The following ACACA variants were observed in gnomAD, a reference collection of about 807,000 sequenced individuals.
The protein encoded by ACACA is acetyl-CoA carboxylase alpha, also known as acetyl-CoA carboxylase 1.
In ACACA, 103 loss-of-function variants were observed where a neutral mutation model predicts 296.1. The observed-to-expected ratio is 0.35, with a 90% CI of 0.30 to 0.41. ACACA has a LOEUF of 0.41. ACACA is among the 10% of genes least tolerant of loss of function. The probability of loss-of-function intolerance (pLI) is 1.00; values close to 1 mark genes in which losing one functional copy is unlikely to be tolerated. For missense variants in ACACA, 1,554 were observed against 2,989.7 expected, an observed-to-expected ratio of 0.52 and a Z score of 11.20; for synonymous variants, 953 against 1,038.6, an observed-to-expected ratio of 0.92 and a Z score of 1.58.
chr17:37,118,875 A>T (rs943219085), intron 50 of ACACA, among the ~76,000 whole-genome samples: 1 of 152,200 alleles, frequency 6.6e-6, no homozygotes. Context: ...TGTTGTTCTT[A>T]CTGTTACAGC....
chr17:37,296,448 G>A (rs567623335), intron 3 of ACACA, among the ~76,000 whole-genome samples: 2 of 152,030 alleles, frequency 1.3e-5, no homozygotes, highest in African/African-American at 4.8e-5. Flanking sequence ...TGGGACTAGA[G>A]GCGCCCGCCA....
intron 1 of ACACA, chr17:37,391,602 C>T (rs780593895): frequency 1.3e-5 from 20 of 1,555,194 alleles, no homozygotes; most frequent in Non-Finnish European, 1.7e-5. Flanking sequence ...AAGAACTATA[C>T]ACTTGCATCC....
intron 1 of ACACA, among the ~76,000 whole-genome samples, chr17:37,356,072 G>A (rs2049127533): frequency 6.6e-6 from 1 of 151,894 alleles, no homozygotes; most frequent in South Asian, 2.1e-4. Flanking sequence ...TCAGGGGGGT[G>A]AGGCAGGATT....
At chr17:37,396,754 T>C (rs935630367) in intron 1 of ACACA, among the ~76,000 whole-genome samples, 57 of 152,260 alleles carry the variant, frequency 3.7e-4, no homozygotes, top group African/African-American at 1.3e-3. Flanking sequence ...CCTGGACAGG[T>C]TGAGAGTCCT....
intron 41 of ACACA, among the ~76,000 whole-genome samples, chr17:37,175,516 TG>T (rs1190306328): frequency 6.6e-6 from 1 of 152,264 alleles, no homozygotes; most frequent in Non-Finnish European, 1.5e-5. Flanking sequence ...GCATTTCTTC[TG>T]TATCCAGGCT....
intron 19 of ACACA, among the ~76,000 whole-genome samples, chr17:37,246,056 C>T (rs80315639): frequency 0.032 from 4,860 of 151,854 alleles, 263 homozygotes; most frequent in African/African-American, 0.11. Context: ...TCTTCCCTGC[C>T]CTTCTTCACC....
intron 29 of ACACA, among the ~76,000 whole-genome samples, chr17:37,218,876 G>C (rs1372803642): frequency 6.6e-6 from 1 of 152,222 alleles, no homozygotes; most frequent in African/African-American, 2.4e-5. Flanking sequence ...AAAGAGCTTA[G>C]ATTTCTGTTT....
intron 41 of ACACA, among the ~76,000 whole-genome samples, chr17:37,174,013 TATATA>T (rs1456474661): frequency 6.3e-4 from 12 of 19,190 alleles, no homozygotes; most frequent in East Asian, 2.9e-3. Flanking sequence ...TATATATATA[TATATA>T]TATTTTTTTT....
intron 1 of ACACA, among the ~76,000 whole-genome samples, chr17:37,399,951 A>C (rs1223559953): frequency 6.6e-6 from 1 of 152,110 alleles, no homozygotes; most frequent in Non-Finnish European, 1.5e-5. Context: ...ATGATGTACA[A>C]CATGTGTTGA....
In ACACA at chr17:37,207,820, C is replaced by T. The variant is rs745400091; in HGVS notation, c.3708-20G>A. On this transcript the variant is annotated intron_variant, in intron 30 of 55. Coordinates refer to ENST00000616317, the MANE Select transcript of ACACA (RefSeq NM_198834.3). ...GACATTCTAAATGGTAATTCAATCA[C>T]GTTCATTAGACAAGGAGGGTAGGAG... 1.2e-5 allele frequency: 19 copies of T among 1,612,880 alleles called. No homozygotes were observed. The highest frequency in any genetic ancestry group is 1.6e-4 in the Middle Eastern group (1 of 6,082).
chr17:37,247,455 C>T (rs1258664511), intron 18 of ACACA, among the ~76,000 whole-genome samples: 1 of 151,286 alleles, frequency 6.6e-6, no homozygotes, highest in Admixed American at 6.6e-5. Flanking sequence ...GCAACCTCCA[C>T]CTCCCAGGTT....
At chr17:37,112,995 G>T in intron 51 of ACACA, 93 bp downstream of exon 51, 1 of 1,440,918 alleles carries the variant, frequency 6.9e-7, no homozygotes, top group Non-Finnish European at 9.7e-7. Context: ...GGATGTGGGT[G>T]CTGTAGTGCC....
chr17:37,204,495 C>T (rs1430203253), intron 33 of ACACA, among the ~76,000 whole-genome samples: 3 of 152,002 alleles, frequency 2.0e-5, no homozygotes, highest in Non-Finnish European at 2.9e-5. Flanking sequence ...CCCATGGAAT[C>T]GTGGTAAGAT....
At chr17:37,154,501 T>A (rs2076162321) in intron 43 of ACACA, among the ~76,000 whole-genome samples, 1 of 152,088 alleles carries the variant, frequency 6.6e-6, no homozygotes. Context: ...TTAACTTTTT[T>A]TTTTCTTTTT....
At chr17:37,311,431 C>T (rs1461234272) in intron 3 of ACACA, among the ~76,000 whole-genome samples, 1 of 150,634 alleles carries the variant, frequency 6.6e-6, no homozygotes, top group Admixed American at 6.6e-5. Context: ...CACACAAATA[C>T]ACACACACAC....
intron 10 of ACACA, among the ~76,000 whole-genome samples, chr17:37,264,514 T>C (rs1019017830): frequency 6.6e-6 from 1 of 152,178 alleles, no homozygotes; most frequent in African/African-American, 2.4e-5. Flanking sequence ...CTTTCTGTCT[T>C]TTATAGGGGG....
Position 37,111,525 on chromosome 17 carries a change from A to T in ACACA, c.6565+6T>A, listed in dbSNP as rs753447930. ...ATTGATTTGCCAGAAGGACAAGCAGACATACCCAATCGCTCAGCCAAGTGG... is the reference window on the plus strand; with the variant it reads ...ATTGATTTGCCAGAAGGACAAGCAGTCATACCCAATCGCTCAGCCAAGTGG... On this transcript the variant is annotated splice_donor_region_variant and intron_variant, in intron 52 of 55. Transcript: ENST00000616317. The T allele has an allele frequency of 5.6e-6, 9 of 1,607,350 alleles. No homozygotes were observed. The highest frequency in any genetic ancestry group is 7.7e-6 in the Non-Finnish European group (9 of 1,173,746).
intron 50 of ACACA, among the ~76,000 whole-genome samples, chr17:37,120,720 GT>G (rs2074487844): frequency 6.6e-6 from 1 of 152,196 alleles, no homozygotes; most frequent in African/African-American, 2.4e-5. Flanking sequence ...AAGAGGTAGT[GT>G]TTCCTTTGGC....
chr17:37,188,595 G>A lies in ACACA; in HGVS notation c.4573-115C>T, dbSNP rs182562723. On this transcript the variant is annotated intron_variant, in intron 38 of 55. Transcript: ENST00000616317. ...AAAAAAAAAAAGAGGTTGGTTTGTG[G>A]AGATGCACACCTTACAAAAAGTGGT... The A allele has an allele frequency of 7.4e-6, 8 of 1,086,164 alleles. No homozygotes were observed. The Admixed American group carries it at 1.2e-4, about 16-fold the overall frequency. The allele number at this position is 1,086,164 out of a possible 1,614,324, so 67.3% of individuals were successfully genotyped here. A position where few individuals can be genotyped will look rare whatever the true frequency, so the allele number is the denominator to read the frequency against.
Sources: allele counts gnomAD v4.1 joint callset (sites outside exome capture counted in the v4.1 genomes callset), GRCh38; gene constraint gnomAD v4.1.1; transcripts MANE v1.5; gene names NCBI Gene and HGNC (gene_info 2026-07-23, HGNC 2026-07-21).